The following TBC1D9B variants were observed in gnomAD, a reference collection of about 807,000 sequenced individuals.
TBC1D9B encodes the protein TBC1 domain family member 9B.
Under a neutral mutation model 121.1 loss-of-function variants are expected in TBC1D9B, and 87 were observed. The observed-to-expected ratio is 0.72, with a 90% CI of 0.60 to 0.86. The LOEUF (loss-of-function observed/expected upper bound fraction) is 0.86. Among genes scored for constraint, TBC1D9B ranks in the 40% least tolerant of loss-of-function variants. TBC1D9B has a pLI of 0.00. For synonymous variants in TBC1D9B, 668 were observed against 670.1 expected (o/e 1.00, Z 0.05); for missense variants, 1,540 against 1,628.6 (o/e 0.95, Z 0.94).
chr5:179,874,805 G>T lies in TBC1D9B; in HGVS notation c.2186+97C>A. 6.6e-7 allele frequency: 1 copy of T among 1,517,468 alleles called. No homozygotes were observed. The highest frequency in any genetic ancestry group is 8.8e-7 in the Non-Finnish European group (1 of 1,132,052). 94.0% of individuals were successfully genotyped at this position (1,517,468 alleles called of 1,614,324 possible). A position where few individuals can be genotyped will look rare whatever the true frequency, so the allele number is the denominator to read the frequency against. On this transcript the variant is annotated intron_variant, in intron 12 of 20. Transcript: ENST00000355235. This position sits in a 1 kb window ranked among gnomAD's most constrained non-coding sequence, Gnocchi z 4.3. ...CGGGTCCAGCTGCAGCCTGGCACTT[G>T]GTGGGCACAGTCACTTCAGGCTGAC... is the stretch of plus-strand genomic sequence containing the variant.
rs1435487171 is a variant in TBC1D9B at position 179,907,808 on chromosome 5, G to A, written c.14C>T (p.Pro5Leu). 1.7e-5 allele frequency: 20 copies of A among 1,196,832 alleles called. No homozygotes were observed. Among genetic ancestry groups the A allele is most frequent in the Non-Finnish European group, 2.0e-5 (19 of 939,284 alleles). The allele number at this position is 1,196,832 out of a possible 1,614,324, so 74.1% of individuals were successfully genotyped here. A position where few individuals can be genotyped will look rare whatever the true frequency, so the allele number is the denominator to read the frequency against. MWLS[P>L]EEVLVANALW... ...CGCATTGGCCACCAGCACCTCCTCC[G>A]GGCTCAGCCACATCGCGGAGCCGCT... is the stretch of plus-strand genomic sequence containing the variant. The change falls in exon 1 of 21, where the codon CCG becomes CTG. Residue 5 changes from proline (P) to leucine (L), a missense_variant. Coordinates refer to ENST00000355235, the MANE Select transcript of TBC1D9B (RefSeq NM_015043.4). This position sits in a 1 kb window ranked among gnomAD's most constrained non-coding sequence, Gnocchi z 5.3.
At chr5:179,897,214 C>T (rs1396254900) in intron 3 of TBC1D9B, among the ~76,000 whole-genome samples, 1 of 152,004 alleles carries the variant, frequency 6.6e-6, no homozygotes, top group Non-Finnish European at 1.5e-5. Context: ...GCCCATCCTT[C>T]CTTCTTTTGT....
At chr5:179,880,181 G>A (rs1448977456) in intron 7 of TBC1D9B, among the ~76,000 whole-genome samples, 1 of 152,190 alleles carries the variant, frequency 6.6e-6, no homozygotes, top group African/African-American at 2.4e-5. Flanking sequence ...AGGGCTGGGT[G>A]ATGGCCTGTG....
rs1396120443 is a variant in TBC1D9B, at chr5:179,904,196, T to C, written c.229+506A>G. Among the ~76,000 whole-genome samples the C allele has an allele frequency of 6.7e-6, 1 of 149,858 alleles. No individual in the cohort carries two copies. The highest frequency in any genetic ancestry group is 1.5e-5 in the Non-Finnish European group (1 of 67,814). ...TCCATGGGGCTGTCCTCTCCTGCCC[T>C]GTCCCCATGACCAGTGGAGCTGCCT... On this transcript the variant is annotated intron_variant, in intron 2 of 20. Coordinates refer to ENST00000355235, the MANE Select transcript of TBC1D9B (RefSeq NM_015043.4). This position sits in a 1 kb window ranked among gnomAD's most constrained non-coding sequence, Gnocchi z 4.2.
Position 179,863,362 on chromosome 5 carries a change from G to A in TBC1D9B, c.*86C>T. On this transcript the variant is annotated 3_prime_UTR_variant, in exon 21 of 21. Coordinates refer to ENST00000355235, the MANE Select transcript of TBC1D9B (RefSeq NM_015043.4). This position sits in a 1 kb window ranked among gnomAD's most constrained non-coding sequence, Gnocchi z 4.5. ...AGAGCAGGAGGGGCACACCTTTAAA[G>A]AGAAACTGATAAGGGAGGAAAGGCA... 1 of 1,474,760 alleles carries A rather than the reference G, an allele frequency of 6.8e-7. No individual in the cohort carries two copies. Among genetic ancestry groups the A allele is most frequent in the South Asian group, 1.3e-5 (1 of 75,442 alleles). The allele number at this position is 1,474,760 out of a possible 1,614,324, so 91.4% of individuals were successfully genotyped here.
At chr5:179,892,226 C>T (rs759233226) in intron 5 of TBC1D9B, among the ~76,000 whole-genome samples, 14 of 152,242 alleles carry the variant, frequency 9.2e-5, no homozygotes, top group Non-Finnish European at 1.9e-4. Flanking sequence ...GCATTCTCAC[C>T]GGCAGTGCCA....
chr5:179,886,097 G>C (rs1456211441), intron 7 of TBC1D9B, among the ~76,000 whole-genome samples: 1 of 152,200 alleles, frequency 6.6e-6, no homozygotes, highest in Non-Finnish European at 1.5e-5. Context: ...TGCCTGATCA[G>C]AGAGGTTGCC....
At position 179,873,197 on chromosome 5, in the gene TBC1D9B, G is replaced by T. The variant is rs1490739380; in HGVS notation, c.2238C>A (p.His746Gln). 1 of 1,613,348 alleles carries T rather than the reference G, an allele frequency of 6.2e-7. No individual in the cohort carries two copies. Among genetic ancestry groups the T allele is most frequent in the Admixed American group, 1.7e-5 (1 of 59,926 alleles). Residue 746 changes from histidine to glutamine, a missense_variant, in exon 13 of 21, where the codon CAC becomes CAA. By Grantham distance (24) the His-to-Gln change is conservative. Coordinates refer to ENST00000355235, the MANE Select transcript of TBC1D9B (RefSeq NM_015043.4). Reference sequence around the variant, plus strand: ...CGCTGCTGCTCAGCAAGGCACGGAGGTGCGGGATAGGAGGAGAGACACTCT... The same window carrying T: ...CGCTGCTGCTCAGCAAGGCACGGAGTTGCGGGATAGGAGGAGAGACACTCT... ...NKQSVSPPIP[H>Q]LRALLSSSDD...
At chr5:179,882,903 G>A (rs1250674819) in intron 7 of TBC1D9B, among the ~76,000 whole-genome samples, 1 of 152,180 alleles carries the variant, frequency 6.6e-6, no homozygotes, top group Non-Finnish European at 1.5e-5. Context: ...CTCTTGAGGA[G>A]GAATCTCTCA....
intron 1 of TBC1D9B, among the ~76,000 whole-genome samples, chr5:179,905,921 C>T (rs540655638): frequency 1.8e-4 from 27 of 152,244 alleles, no homozygotes; most frequent in African/African-American, 5.3e-4. Context: ...GCTCTGTCGC[C>T]CAAGGTGGAG....
Position 179,893,437 on chromosome 5 carries a change from G to C in TBC1D9B, c.608C>G (p.Thr203Arg), listed in dbSNP as rs763676590. 1 of 1,611,626 alleles carries C rather than the reference G, an allele frequency of 6.2e-7. No homozygotes were observed. The highest frequency in any genetic ancestry group is 1.7e-5 in the Admixed American group (1 of 59,942). ...CAGGGTGGCGTTCTTCTCCAGACGC[G>C]TTATGTCCACCCACTGCACCACGAG... is the stretch of plus-strand genomic sequence containing the variant. ...VSLVVQWVDI[T>R]RLEKNATLLF... Residue 203 changes from threonine (T) to arginine (R), a missense_variant, in exon 5 of 21, where the codon ACG (threonine) becomes AGG (arginine). By Grantham distance (71) the Thr-to-Arg change is moderately conservative (BLOSUM62 -1). Transcript: ENST00000355235.
chr5:179,865,751 C>G lies in TBC1D9B; in HGVS notation c.2914+87G>C. ...CCGCCATCTCCCGGGGTAGGGGGCT[C>G]CCTGGCAGTGACTGGGGAAAAGACC... On this transcript the variant is annotated intron_variant, in intron 19 of 20. Coordinates refer to ENST00000355235, the MANE Select transcript of TBC1D9B (RefSeq NM_015043.4). This position sits in a 1 kb window ranked among gnomAD's most constrained non-coding sequence, Gnocchi z 5.1. The G allele has an allele frequency of 6.9e-7, 1 of 1,452,396 alleles. No homozygotes were observed. The highest frequency in any genetic ancestry group is 9.4e-7 in the Non-Finnish European group (1 of 1,069,266). The allele number at this position is 1,452,396 out of a possible 1,614,324, so 90.0% of individuals were successfully genotyped here.
At chr5:179,906,635 A>AGG (rs1761323947) in intron 1 of TBC1D9B, among the ~76,000 whole-genome samples, 1 of 152,134 alleles carries the variant, frequency 6.6e-6, no homozygotes, top group Non-Finnish European at 1.5e-5. Context: ...GCGGGTCCAG[A>AGG]ACAGGAGCCC....
Position 179,879,565 on chromosome 5 carries a change from C to A in TBC1D9B, c.1416+63G>T, listed in dbSNP as rs1477048556. The A allele has an allele frequency of 4.3e-6, 7 of 1,611,462 alleles. No individual in the cohort carries two copies. The African/African-American group carries it at 8.0e-5, about 18-fold the overall frequency. The stretch of plus-strand genomic sequence containing the variant: ...GGAAGGCCCAGGCCCAGGACTGGCT[C>A]CAGCTTTCCTCCTGAGGGCTCCGCT... On this transcript the variant is annotated intron_variant, in intron 8 of 20. Transcript: ENST00000355235.
intron 8 of TBC1D9B, 74 bp downstream of exon 8, chr5:179,879,554 C>T (rs977275294): frequency 2.0e-5 from 32 of 1,608,652 alleles, no homozygotes; most frequent in Admixed American, 5.0e-5. Flanking sequence ...GGCCCAGGCC[C>T]AGGACTGGCT....
chr5:179,875,771 C>A lies in TBC1D9B; in HGVS notation c.1900+149G>T. 1 of 573,440 alleles carries A rather than the reference C, an allele frequency of 1.7e-6. No individual in the cohort carries two copies. The highest frequency in any genetic ancestry group is 3.0e-5 in the South Asian group (1 of 32,912). 35.5% of individuals were successfully genotyped at this position (573,440 alleles called of 1,614,324 possible). A position where few individuals can be genotyped will look rare whatever the true frequency, so the allele number is the denominator to read the frequency against. Reference sequence around the variant, plus strand: ...GATAGGAATTTAGGCTCTGAGGGGACTTTTATAAACCACCGAATGTGTAAT... The same window carrying A: ...GATAGGAATTTAGGCTCTGAGGGGAATTTTATAAACCACCGAATGTGTAAT... On this transcript the variant is annotated intron_variant, in intron 11 of 20. Coordinates refer to ENST00000355235, the MANE Select transcript of TBC1D9B (RefSeq NM_015043.4). The surrounding 1 kb of genome is among the most constrained non-coding windows in gnomAD (Gnocchi z 4.5).
In TBC1D9B at chr5:179,894,424, T is replaced by C. The variant is rs1427736315; in HGVS notation, c.539A>G (p.Asn180Ser). 1 of 1,613,926 alleles carries C rather than the reference T, an allele frequency of 6.2e-7. No homozygotes were observed. The highest frequency in any genetic ancestry group is 8.5e-7 in the Non-Finnish European group (1 of 1,179,896). The part of the protein sequence containing the change: ...PRQGWLYLTV[N>S]HLCFYSFLLG... ...CAGGAAGGAGTAGAAGCACAGGTGGTTGACCGTCAGGTACAGCCAGCCCTG... is the reference window on the plus strand; with the variant it reads ...CAGGAAGGAGTAGAAGCACAGGTGGCTGACCGTCAGGTACAGCCAGCCCTG... Residue 180 changes from asparagine to serine, a missense_variant, in exon 4 of 21, where the codon AAC becomes AGC. Coordinates refer to ENST00000355235, the MANE Select transcript of TBC1D9B (RefSeq NM_015043.4).
intron 2 of TBC1D9B, among the ~76,000 whole-genome samples, chr5:179,903,551 C>T (rs1339424940): frequency 6.6e-6 from 1 of 152,188 alleles, no homozygotes; most frequent in African/African-American, 2.4e-5. Context: ...GGTTAGGTTC[C>T]TGGAGCCTCT....
At chr5:179,880,178 G>A (rs1760499591) in intron 7 of TBC1D9B, among the ~76,000 whole-genome samples, 1 of 152,200 alleles carries the variant, frequency 6.6e-6, no homozygotes, top group Non-Finnish European at 1.5e-5. Context: ...CAGAGGGCTG[G>A]GTGATGGCCT....
Sources: gnomAD v4.1 joint callset for allele counts (sites outside exome capture counted in the v4.1 genomes callset) on GRCh38, gnomAD v4.1.1 for gene constraint, Gnocchi (gnomAD v3.1) non-coding constraint, MANE v1.5 for transcripts, NCBI Gene and HGNC (gene_info 2026-07-23, HGNC 2026-07-21) for gene names.